The following AMPH variants were observed in gnomAD, a reference collection of about 807,000 sequenced individuals.
The protein encoded by AMPH is amphiphysin.
A neutral mutation model predicts 99.1 loss-of-function variants in AMPH; 49 were observed. The ratio of observed to expected loss-of-function variants is 0.49; its 90% confidence interval spans 0.39 to 0.63. The LOEUF is 0.63. AMPH is among the 20% of genes least tolerant of loss of function. The pLI is 0.00. For synonymous variants in AMPH, 314 were observed against 317.3 expected (o/e 0.99, Z 0.11); for missense variants, 759 against 863.4 (o/e 0.88, Z 1.52).
At chr7:38,490,349 T>C (rs76662315) in intron 5 of AMPH, among the ~76,000 whole-genome samples, 3,224 of 152,222 alleles carry the variant, frequency 0.021, 99 homozygotes, top group African/African-American at 0.074. Context: ...TTTAGTCAGA[T>C]CCATTTAGTT....
intron 17 of AMPH, among the ~76,000 whole-genome samples, chr7:38,398,194 AAC>A (rs1235400684): frequency 4.1e-4 from 55 of 135,024 alleles, no homozygotes; most frequent in Middle Eastern, 8.5e-3. Context: ...AAAAAAAAAA[AAC>A]AAAAAAAAAA....
In AMPH at chr7:38,476,960, C is replaced by T. The variant is rs1199538704; in HGVS notation, c.406G>A (p.Ala136Thr). Residue 136 changes from alanine to threonine, a missense_variant, in exon 6 of 21, where the codon GCC (alanine) becomes ACC (threonine). By Grantham distance (58) the Ala-to-Thr change is moderately conservative (BLOSUM62 0). This residue lies in a region of AMPH where 205 missense variants were observed against 287.9 expected (regional missense o/e 0.71). Coordinates refer to ENST00000356264, the MANE Select transcript of AMPH (RefSeq NM_001635.4). ...GQFPDIKNRI[A>T]KRSRKLVDYD... ...TCCACTAGCTTCCTGCTGCGCTTGG[C>T]GATGCGATTCTGTCAACAGGAAATG... The T allele has an allele frequency of 6.2e-7, 1 of 1,613,444 alleles. No homozygotes were observed. The highest frequency in any genetic ancestry group is 8.5e-7 in the Non-Finnish European group (1 of 1,179,696).
intron 2 of AMPH, among the ~76,000 whole-genome samples, chr7:38,507,300 A>T (rs3807410): frequency 0.44 from 66,811 of 151,980 alleles, 15,094 homozygotes; most frequent in East Asian, 0.64. Context: ...ATGAGTTCAA[A>T]TTAAGCAGAT....
chr7:38,429,197 G>C, intron 14 of AMPH: 1 of 1,289,638 alleles, frequency 7.8e-7, no homozygotes, highest in Non-Finnish European at 1.0e-6. Flanking sequence ...AGTCAAGTGG[G>C]TCATACAGCT....
chr7:38,529,614 C>T (rs1397313313), intron 2 of AMPH, among the ~76,000 whole-genome samples: 1 of 152,200 alleles, frequency 6.6e-6, no homozygotes, highest in Admixed American at 6.5e-5. Context: ...GTCTAGTAAC[C>T]TGACAGGATG....
At chr7:38,448,450 A>G (rs1786873818) in intron 11 of AMPH, among the ~76,000 whole-genome samples, 1 of 152,244 alleles carries the variant, frequency 6.6e-6, no homozygotes, top group African/African-American at 2.4e-5. Flanking sequence ...TTTCCTATAC[A>G]TACATACCTA....
chr7:38,420,129 G>C (rs1028034300), intron 16 of AMPH, among the ~76,000 whole-genome samples: 2 of 152,154 alleles, frequency 1.3e-5, no homozygotes, highest in African/African-American at 2.4e-5. Flanking sequence ...TTTACAATAT[G>C]GCATTACAAC....
At chr7:38,612,365 C>T (rs1369589140) in intron 1 of AMPH, among the ~76,000 whole-genome samples, 6 of 151,954 alleles carry the variant, frequency 3.9e-5, no homozygotes, top group Non-Finnish European at 7.4e-5. Context: ...CATGAACCAC[C>T]GCACCCGGCC....
intron 17 of AMPH, among the ~76,000 whole-genome samples, chr7:38,409,511 C>A (rs990405059): frequency 2.6e-5 from 4 of 152,106 alleles, no homozygotes; most frequent in Admixed American, 6.5e-5. Flanking sequence ...TCTCATGGTA[C>A]CCCCGGTCCC....
Position 38,463,043 on chromosome 7 carries a change from T to C in AMPH, c.820A>G (p.Thr274Ala), listed in dbSNP as rs1787513179. 1.2e-6 allele frequency: 2 copies of C among 1,611,292 alleles called. No homozygotes were observed. Among genetic ancestry groups the C allele is most frequent in the Non-Finnish European group, 1.7e-6 (2 of 1,178,764 alleles). Residue 274 changes from threonine (T) to alanine (A), a missense_variant, in exon 10 of 21, where the codon ACA (threonine) becomes GCA (alanine). Transcript: ENST00000356264. ...PEEPSPLPSP[T>A]ASPNHTLAPA... ...GCTAATGTATGATTTGGACTTGCTG[T>C]CGGGCTCGGGAGGGGTGAAGGCTCC...
rs557405844 is a variant in AMPH at position 38,532,451 on chromosome 7, C to T, written c.150+2480G>A. On this transcript the variant is annotated intron_variant, in intron 2 of 20. Transcript: ENST00000356264. ...AAATAGAATTACTTGTTCAAATTTC[C>T]CCAAGTTTTGAAGTTTCACACGTTT... Among the ~76,000 whole-genome samples, 3 of 152,124 alleles carry T rather than the reference C, an allele frequency of 2.0e-5. No homozygotes were observed. The South Asian group carries it at 6.2e-4, about 32-fold the overall frequency.
At chr7:38,588,013 G>A (rs191775550) in intron 1 of AMPH, among the ~76,000 whole-genome samples, 11 of 151,942 alleles carry the variant, frequency 7.2e-5, no homozygotes, top group South Asian at 4.2e-4. Flanking sequence ...ATGCAGTGGC[G>A]TGATCTCGGT....
At chr7:38,399,509 G>A (rs76567669) in intron 17 of AMPH, among the ~76,000 whole-genome samples, 8,834 of 152,170 alleles carry the variant, frequency 0.058, 358 homozygotes, top group East Asian at 0.19. Flanking sequence ...TAAAATCAAG[G>A]AAAGAGTAAA....
At chr7:38,630,268 C>G (rs1289086672) in intron 1 of AMPH, among the ~76,000 whole-genome samples, 1 of 152,164 alleles carries the variant, frequency 6.6e-6, no homozygotes, top group Non-Finnish European at 1.5e-5. Context: ...AATGCTCAAG[C>G]TACAATATAA....
chr7:38,531,183 T>A (rs1790384924), intron 2 of AMPH: 1 of 152,234 alleles, frequency 6.6e-6, no homozygotes, highest in Admixed American at 6.6e-5. Context: ...AACCTCGTGG[T>A]TCCCCGCTAC....
In AMPH at chr7:38,458,069, G is replaced by A. The variant is rs143300224; in HGVS notation, c.1017+3214C>T. The stretch of plus-strand genomic sequence containing the variant: ...GTGTTTGGTCTCACAAAAAGATTGC[G>A]GAGGGATGGAGGGAGGTGGGCAAAG... On this transcript the variant is annotated intron_variant, in intron 11 of 20. Coordinates refer to ENST00000356264, the MANE Select transcript of AMPH (RefSeq NM_001635.4). Among the ~76,000 whole-genome samples, 274 of 152,166 alleles carry A rather than the reference G, an allele frequency of 1.8e-3. 2 individuals are homozygous for A. Among genetic ancestry groups the A allele is most frequent in the Non-Finnish European group, 2.9e-3 (197 of 67,998 alleles).
intron 1 of AMPH, among the ~76,000 whole-genome samples, chr7:38,604,725 A>G (rs548719106): frequency 2.0e-5 from 3 of 152,292 alleles, no homozygotes; most frequent in Admixed American, 1.3e-4. Flanking sequence ...CTCTACACCA[A>G]ATGAACTATG....
intron 12 of AMPH, among the ~76,000 whole-genome samples, chr7:38,433,984 G>T (rs1206668614): frequency 6.6e-6 from 1 of 152,122 alleles, no homozygotes; most frequent in Non-Finnish European, 1.5e-5. Flanking sequence ...GTCATTTTGA[G>T]TGAAGAGGAA....
chr7:38,541,264 T>A (rs1364207025), intron 1 of AMPH, among the ~76,000 whole-genome samples: 1 of 107,432 alleles, frequency 9.3e-6, no homozygotes, highest in Admixed American at 9.5e-5. Flanking sequence ...AACTTATGAC[T>A]GGAGAGGCCA....
Sources: allele counts gnomAD v4.1 joint callset (sites outside exome capture counted in the v4.1 genomes callset), GRCh38; gene constraint gnomAD v4.1.1; regional missense constraint gnomAD v4.1.1; transcripts MANE v1.5; gene names NCBI Gene and HGNC (gene_info 2026-07-23, HGNC 2026-07-21).